The following PLAGL1 variants were observed in gnomAD, a reference collection of about 807,000 sequenced individuals.
The protein encoded by PLAGL1 is PLAG1 like zinc finger 1, also known as zinc finger protein PLAGL1.
Under a neutral mutation model 4.6 loss-of-function variants are expected in PLAGL1, and 1 was observed. The observed-to-expected ratio is 0.22, with a 90% CI of 0.08 to 1.03. The LOEUF (loss-of-function observed/expected upper bound fraction) is 1.03, where lower values mean the gene tolerates loss of function less well. PLAGL1 is among the 50% of genes least tolerant of loss of function. The pLI is 0.58. For synonymous variants in PLAGL1, 240 were observed against 237.8 expected, an observed-to-expected ratio of 1.01 and a Z score of -0.08; for missense variants, 464 against 570.4, an observed-to-expected ratio of 0.81 and a Z score of 1.90.
Position 144,048,238 on chromosome 6 carries a change from TTGG to T in PLAGL1, c.-151+16227_-151+16229del, listed in dbSNP as rs1562609887. On this transcript the variant is annotated intron_variant, in intron 1 of 3. Coordinates refer to the PLAGL1 transcript ENST00000437412. This position sits in a 1 kb window ranked among gnomAD's most constrained non-coding sequence, Gnocchi z 4.8. ...TGCTTTCATGGGCTGGCATTGAGTG[TTGG>T]TGGCTTTTCCAGGTGCACAGTGCAA... Among the ~76,000 whole-genome samples, 1 of 152,156 alleles carries T rather than the reference TTGG, an allele frequency of 6.6e-6. No homozygotes were observed. Among genetic ancestry groups the T allele is most frequent in the East Asian group, 1.9e-4 (1 of 5,178 alleles).
At chr6:144,002,321 C>T (rs913009241) in intron 1 of PLAGL1, among the ~76,000 whole-genome samples, 1 of 152,218 alleles carries the variant, frequency 6.6e-6, no homozygotes, top group Non-Finnish European at 1.5e-5. Flanking sequence ...AAACATCACC[C>T]TTAATAGTGA....
intron 1 of PLAGL1, among the ~76,000 whole-genome samples, chr6:144,029,015 C>T (rs1236514961): frequency 6.6e-6 from 1 of 152,106 alleles, no homozygotes; most frequent in Non-Finnish European, 1.5e-5. Context: ...AACATAATCC[C>T]ATGACCTTCA....
Position 143,942,407 on chromosome 6 carries a change from C to T in PLAGL1, c.409G>A (p.Asp137Asn), listed in dbSNP as rs1369900993. ...LELGSTEVLL[D>N]HLKAHAEEKP... Reference sequence around the variant, plus strand: ...TCTTCCGCATGGGCTTTGAGGTGGTCCAGTAGCACCTCGGTGCTCCCTAGC... The same window carrying T: ...TCTTCCGCATGGGCTTTGAGGTGGTTCAGTAGCACCTCGGTGCTCCCTAGC... The change falls in exon 8 of 8, where the codon GAC (aspartate) becomes AAC (asparagine). Residue 137 changes from aspartate (D) to asparagine (N), a missense_variant. Coordinates refer to ENST00000674357, the MANE Select transcript of PLAGL1 (RefSeq NM_001317162.2). This position sits in a 1 kb window ranked among gnomAD's most constrained non-coding sequence, Gnocchi z 7.6. 4 of 1,614,020 alleles carry T rather than the reference C, an allele frequency of 2.5e-6. No individual in the cohort carries two copies. In the Admixed American group the frequency reaches 5.0e-5, roughly 20 times the overall value.
At position 144,039,136 on chromosome 6, in the gene PLAGL1, A is replaced by C. The variant is rs1797519149; in HGVS notation, c.-151+25332T>G. Among the ~76,000 whole-genome samples, 1 of 152,212 alleles carries C rather than the reference A, an allele frequency of 6.6e-6. No homozygotes were observed. The highest frequency in any genetic ancestry group is 1.5e-5 in the Non-Finnish European group (1 of 68,034). On this transcript the variant is annotated intron_variant, in intron 1 of 3. Transcript: ENST00000437412. The surrounding 1 kb of genome is among the most constrained non-coding windows in gnomAD (Gnocchi z 4.1). ...GATAGGTTTGCTATTCCAGAATTATAAAAAGTGATTACAAATAAATAAGGA... is the reference window on the plus strand; with the variant it reads ...GATAGGTTTGCTATTCCAGAATTATCAAAAGTGATTACAAATAAATAAGGA...
rs1780120430 is a variant in PLAGL1 at position 143,947,887 on chromosome 6, A to G, written c.152+98T>C. 1.0e-6 allele frequency: 1 copy of G among 960,950 alleles called. No homozygotes were observed. The highest frequency in any genetic ancestry group is 2.4e-5 in the East Asian group (1 of 40,820). 59.5% of individuals were successfully genotyped at this position (960,950 alleles called of 1,614,324 possible). On this transcript the variant is annotated intron_variant, in intron 7 of 7. Transcript: ENST00000674357. This position sits in a 1 kb window ranked among gnomAD's most constrained non-coding sequence, Gnocchi z 4.3. ...CCCTCAAAGGCTAAAATGCATCCATATCCTGTGTCCCTTTCCCCTTGCATC... is the reference window on the plus strand; with the variant it reads ...CCCTCAAAGGCTAAAATGCATCCATGTCCTGTGTCCCTTTCCCCTTGCATC...
Position 144,056,506 on chromosome 6 carries a change from CT to C in PLAGL1, c.-151+7961del, listed in dbSNP as rs1194654203. ...CCGTCTATTTAACCCTCTTTCACCCCTAGCCCTTGACAGCCACTGATCTTTT... is the reference window on the plus strand; with the variant it reads ...CCGTCTATTTAACCCTCTTTCACCCCAGCCCTTGACAGCCACTGATCTTTT... On this transcript the variant is annotated intron_variant, in intron 1 of 3. Coordinates refer to the PLAGL1 transcript ENST00000437412. The surrounding 1 kb of genome is among the most constrained non-coding windows in gnomAD (Gnocchi z 4.7). 6.6e-6 allele frequency among the ~76,000 whole-genome samples: 1 copy of C among 152,326 alleles called. No homozygotes were observed. Among genetic ancestry groups the C allele is most frequent in the Non-Finnish European group, 1.5e-5 (1 of 68,038 alleles).
chr6:144,023,628 G>A (rs1387223566), intron 1 of PLAGL1, among the ~76,000 whole-genome samples: 2 of 152,148 alleles, frequency 1.3e-5, no homozygotes, highest in African/African-American at 4.8e-5. Flanking sequence ...CAATGGGAAT[G>A]GCCAAGTAAG....
intron 1 of PLAGL1, among the ~76,000 whole-genome samples, chr6:144,024,553 A>G (rs954862241): frequency 1.3e-5 from 2 of 152,304 alleles, no homozygotes; most frequent in Admixed American, 1.3e-4. Context: ...CACTTCTGCC[A>G]TTATTGTGAG....
intron 2 of PLAGL1, among the ~76,000 whole-genome samples, chr6:143,981,442 C>CT (rs1235307427): frequency 1.3e-5 from 2 of 152,296 alleles, no homozygotes; most frequent in East Asian, 3.9e-4. Context: ...TCTCTCTTCT[C>CT]TGGTACTCTG....
Position 144,005,150 on chromosome 6 carries a change from T to C in PLAGL1, c.-584+2940A>G, listed in dbSNP as rs1392702621. 2 of 152,060 alleles carry C rather than the reference T, an allele frequency of 1.3e-5. No homozygotes were observed. Among genetic ancestry groups the C allele is most frequent in the African/African-American group, 4.8e-5 (2 of 41,416 alleles). The allele number at this position is 152,060 out of a possible 1,614,324, so 9.4% of individuals were successfully genotyped here. ...GCAATTCTCGAATTTCAAAGAATTG[T>C]TGGCCTTGACACGTATGCTAACTAC... is the stretch of plus-strand genomic sequence containing the variant. On this transcript the variant is annotated intron_variant, in intron 1 of 7. Coordinates refer to ENST00000674357, the MANE Select transcript of PLAGL1 (RefSeq NM_001317162.2). The surrounding 1 kb of genome is among the most constrained non-coding windows in gnomAD (Gnocchi z 4.6).
At chr6:144,060,476 T>G (rs1799307129) in intron 1 of PLAGL1, among the ~76,000 whole-genome samples, 1 of 152,216 alleles carries the variant, frequency 6.6e-6, no homozygotes, top group Admixed American at 6.5e-5. Context: ...GACACAGGGC[T>G]GGTATGTTAT....
In PLAGL1 at chr6:143,994,994, T is replaced by C. The variant is rs904199034; in HGVS notation, c.-583-9820A>G. 6.6e-6 allele frequency among the ~76,000 whole-genome samples: 1 copy of C among 152,112 alleles called. No individual in the cohort carries two copies. Among genetic ancestry groups the C allele is most frequent in the South Asian group, 2.1e-4 (1 of 4,836 alleles). On this transcript the variant is annotated intron_variant, in intron 1 of 7. Transcript: ENST00000674357. This position sits in a 1 kb window ranked among gnomAD's most constrained non-coding sequence, Gnocchi z 4.3. ...TGGGAACAATTAAGAGACAATAAGA[T>C]AGAACCATCACAAAGAGCAGGCACC...
chr6:144,054,720 C>T (rs1166125123), intron 1 of PLAGL1, among the ~76,000 whole-genome samples: 3 of 151,018 alleles, frequency 2.0e-5, no homozygotes, highest in South Asian at 2.1e-4. Context: ...TGTAACAAAC[C>T]TGCACGTTGT....
At chr6:144,035,100 G>T (rs1316876845) in intron 1 of PLAGL1, among the ~76,000 whole-genome samples, 2 of 152,116 alleles carry the variant, frequency 1.3e-5, no homozygotes, top group Non-Finnish European at 2.9e-5. Flanking sequence ...GTTTCAGGGG[G>T]TTGGGGGTAT....
intron 1 of PLAGL1, among the ~76,000 whole-genome samples, chr6:144,046,919 C>A (rs765420871): frequency 6.6e-6 from 1 of 152,226 alleles, no homozygotes; most frequent in Non-Finnish European, 1.5e-5. Flanking sequence ...ACCCCTCCCC[C>A]AGCCAGGCTG....
Position 143,947,639 on chromosome 6 carries a change from C to T in PLAGL1, c.152+346G>A, listed in dbSNP as rs1780068127. Among the ~76,000 whole-genome samples, 1 of 152,198 alleles carries T rather than the reference C, an allele frequency of 6.6e-6. No homozygotes were observed. The highest frequency in any genetic ancestry group is 1.5e-5 in the Non-Finnish European group (1 of 68,030). ...AGATTGTCCCCATCTGAGAAGCCGT[C>T]CCAGGTTTCATCAGGCAGTGAAGAA... On this transcript the variant is annotated intron_variant, in intron 7 of 7. Transcript: ENST00000674357. This position sits in a 1 kb window ranked among gnomAD's most constrained non-coding sequence, Gnocchi z 4.3.
Position 143,961,944 on chromosome 6 carries a change from T to C in PLAGL1, c.-398-1402A>G, listed in dbSNP as rs540174576. On this transcript the variant is annotated intron_variant, in intron 5 of 7. Coordinates refer to ENST00000674357, the MANE Select transcript of PLAGL1 (RefSeq NM_001317162.2). The surrounding 1 kb of genome is among the most constrained non-coding windows in gnomAD (Gnocchi z 6.5). The stretch of plus-strand genomic sequence containing the variant: ...AAGTAGCTTAGCTTCATTGTCAAAA[T>C]ATTCAAATTATCACAAAAAGAAAGC... Among the ~76,000 whole-genome samples, 1 of 152,292 alleles carries C rather than the reference T, an allele frequency of 6.6e-6. No homozygotes were observed. Among genetic ancestry groups the C allele is most frequent in the East Asian group, 1.9e-4 (1 of 5,180 alleles).
intron 1 of PLAGL1, among the ~76,000 whole-genome samples, chr6:144,024,527 T>C (rs1168723245): frequency 2.6e-5 from 4 of 152,228 alleles, no homozygotes; most frequent in Middle Eastern, 3.2e-3. Flanking sequence ...CCTGCCGCCA[T>C]GTAAGACGTT....
At chr6:144,023,747 T>C (rs1222189471) in intron 1 of PLAGL1, among the ~76,000 whole-genome samples, 1 of 145,686 alleles carries the variant, frequency 6.9e-6, no homozygotes, top group African/African-American at 2.5e-5. Context: ...GAGTTGGACA[T>C]CATTATGAAC....
Sources: gnomAD v4.1 joint callset for allele counts (sites outside exome capture counted in the v4.1 genomes callset) on GRCh38, gnomAD v4.1.1 for gene constraint, Gnocchi (gnomAD v3.1) non-coding constraint, MANE v1.5 for transcripts, NCBI Gene and HGNC (gene_info 2026-07-23, HGNC 2026-07-21) for gene names.